Variants in COPG1 observed in about 807,000 individuals in gnomAD.
COPG1 encodes coat protein complex I subunit gamma 1, also known as coatomer subunit gamma-1.
COPG1 carries 29 observed loss-of-function variants against 102.8 expected under a neutral mutation model. That is an observed-to-expected ratio of 0.28 (90% CI 0.21 to 0.38). The LOEUF is 0.38. Ranked by LOEUF, COPG1 falls within the 10% of genes least tolerant of loss-of-function variation. COPG1 has a pLI of 1.00. For synonymous variants in COPG1, 406 were observed against 421.6 expected (o/e 0.96, Z 0.45); for missense variants, 875 against 1,132.7 (o/e 0.77, Z 3.27).
Position 129,265,746 on chromosome 3 carries a change from C to T in COPG1, c.1422C>T (p.Arg474=), listed in dbSNP as rs1230822173. 1.9e-6 allele frequency: 3 copies of T among 1,614,052 alleles called. No individual in the cohort carries two copies. The highest frequency in any genetic ancestry group is 2.5e-6 in the Non-Finnish European group (3 of 1,180,046). The change falls in exon 14 of 24, where the codon CGC becomes CGT. Residue 474 remains arginine, a synonymous_variant. Transcript: ENST00000314797. ...PKTTNPSKYI[R]FIYNRVVLEH... is the part of the protein sequence containing the mutation. Reference sequence around the variant, plus strand: ...CCACCAATCCCTCAAAGTACATCCGCTTCATCTATAACCGAGTGGTCTTGG... The same window carrying T: ...CCACCAATCCCTCAAAGTACATCCGTTTCATCTATAACCGAGTGGTCTTGG...
intron 21 of COPG1, chr3:129,274,077 G>A (rs1247949368): frequency 2.2e-6 from 1 of 456,060 alleles, no homozygotes; most frequent in Admixed American, 2.3e-5. Flanking sequence ...CACAGTTGAG[G>A]ATGGATGGAC....
chr3:129,268,117 A>G, intron 16 of COPG1, 77 bp downstream of exon 16: 2 of 1,284,112 alleles, frequency 1.6e-6, no homozygotes, highest in Non-Finnish European at 2.2e-6. Context: ...GGCAGGGGAA[A>G]TCAGAGGCAA....
intron 7 of COPG1, 121 bp from the exon 8 acceptor site, chr3:129,255,945 GTC>G (rs1939800143): frequency 1.2e-5 from 9 of 740,276 alleles, no homozygotes; most frequent in Non-Finnish European, 2.0e-5. Context: ...TTTGTCCATG[GTC>G]TCTGAGGACC....
Position 129,260,751 on chromosome 3 carries a change from G to A in COPG1, c.1072G>A (p.Asp358Asn), listed in dbSNP as rs1939910342. ...TAAGACGGGCAGCGAGAGCAGCATC[G>A]ACCGCCTCATGAAGCAGATCTCCTC... ...LLKTGSESSI[D>N]RLMKQISSFM... Residue 358 changes from aspartate to asparagine, a missense_variant, in exon 12 of 24, where the codon GAC becomes AAC. Physicochemically the swap from Asp to Asn is conservative, Grantham distance 23. Coordinates refer to ENST00000314797, the MANE Select transcript of COPG1 (RefSeq NM_016128.4). 1.4e-5 allele frequency: 22 copies of A among 1,612,762 alleles called. No individual in the cohort carries two copies. Among genetic ancestry groups the A allele is most frequent in the Non-Finnish European group, 1.9e-5 (22 of 1,180,006 alleles).
rs762888021 is a variant in COPG1, at chr3:129,252,314, C to T, written c.124C>T (p.Arg42Trp). 1.2e-5 allele frequency: 19 copies of T among 1,613,032 alleles called. No homozygotes were observed. The highest frequency in any genetic ancestry group is 1.7e-5 in the Admixed American group (1 of 59,982). ...ATTTAATGAAACTCCCATCAACCCT[C>T]GGAAATGTGCCCACATCCTCACCAA... ...RVFNETPINPRKCAHILTKIL... is the reference protein window; with the variant it reads ...RVFNETPINPWKCAHILTKIL... The change falls in exon 3 of 24, where the codon CGG (arginine) becomes TGG (tryptophan). Residue 42 changes from arginine to tryptophan, a missense_variant. Coordinates refer to ENST00000314797, the MANE Select transcript of COPG1 (RefSeq NM_016128.4).
In COPG1 at chr3:129,260,381, C is replaced by T. The variant is rs1939903288; in HGVS notation, c.920C>T (p.Ala307Val). The part of the protein sequence containing the change: ...SSPKAALRYA[A>V]VRTLNKVAMK... ...CCCAAGGCTGCTCTCCGCTATGCTGCTGTTCGTACCCTCAATAAGGTAAGA... is the reference window on the plus strand; with the variant it reads ...CCCAAGGCTGCTCTCCGCTATGCTGTTGTTCGTACCCTCAATAAGGTAAGA... Residue 307 changes from alanine to valine, a missense_variant, in exon 11 of 24, where the codon GCT becomes GTT. Physicochemically the swap from Ala to Val is moderately conservative, Grantham distance 64 (BLOSUM62 0). Transcript: ENST00000314797. 6.2e-7 allele frequency: 1 copy of T among 1,614,172 alleles called. No individual in the cohort carries two copies. The highest frequency in any genetic ancestry group is 1.1e-5 in the South Asian group (1 of 91,078).
chr3:129,249,871 C>A, intron 1 of COPG1, 125 bp downstream of exon 1: 1 of 980,036 alleles, frequency 1.0e-6, no homozygotes, highest in Non-Finnish European at 1.5e-6. Flanking sequence ...CCAGGGTCCA[C>A]AGCTAGTCAG....
intron 1 of COPG1, among the ~76,000 whole-genome samples, chr3:129,249,983 C>A (rs996311452): frequency 2.0e-5 from 3 of 148,262 alleles, no homozygotes; most frequent in Non-Finnish European, 4.4e-5. Context: ...ACCCCCCCCC[C>A]CAGGCCTCAA....
chr3:129,270,703 T>C (rs1279219793), intron 18 of COPG1, among the ~76,000 whole-genome samples: 1 of 152,006 alleles, frequency 6.6e-6, no homozygotes, highest in Admixed American at 6.6e-5. Flanking sequence ...AGCAAAATAA[T>C]AAAAATAAGG....
In COPG1 at chr3:129,272,831, T is replaced by C. The variant is rs200999764; in HGVS notation, c.2183T>C (p.Met728Thr). The change falls in exon 21 of 24, where the codon ATG (methionine) becomes ACG (threonine). Residue 728 changes from methionine to threonine, a missense_variant. Transcript: ENST00000314797. Reference protein sequence around the residue: ...TAVACTFSCMMKFTVKDCDPT... With the variant: ...TAVACTFSCMTKFTVKDCDPT... The stretch of plus-strand genomic sequence containing the variant: ...GTGGCCTGCACATTCAGCTGCATGA[T>C]GAAGTTCACTGTCAAGGACTGTGAT... The C allele has an allele frequency of 1.4e-5, 22 of 1,613,104 alleles. No homozygotes were observed. The highest frequency in any genetic ancestry group is 2.7e-5 in the African/African-American group (2 of 74,992).
intron 18 of COPG1, among the ~76,000 whole-genome samples, chr3:129,270,224 T>C (rs1225785574): frequency 6.6e-6 from 1 of 151,920 alleles, no homozygotes; most frequent in African/African-American, 2.4e-5. Flanking sequence ...AATTAGCATG[T>C]GGGCATCTTG....
At chr3:129,266,738 C>T (rs6807994) in intron 14 of COPG1, among the ~76,000 whole-genome samples, 17,080 of 152,068 alleles carry the variant, frequency 0.11, 2,667 homozygotes, top group African/African-American at 0.35. Context: ...GCTTCTGTGA[C>T]CTCATCATGG....
chr3:129,253,140 G>A lies in COPG1; in HGVS notation c.323+185G>A. Reference sequence around the variant, plus strand: ...TGTGCTGTTTCTATTTTAATTCTCTGACCTTGACTTGGACACAAATGCTTC... The same window carrying A: ...TGTGCTGTTTCTATTTTAATTCTCTAACCTTGACTTGGACACAAATGCTTC... On this transcript the variant is annotated intron_variant, in intron 5 of 23. Coordinates refer to ENST00000314797, the MANE Select transcript of COPG1 (RefSeq NM_016128.4). The A allele has an allele frequency of 5.4e-6, 3 of 550,704 alleles. No homozygotes were observed. In the South Asian group the frequency reaches 6.7e-5, roughly 12 times the overall value. 34.1% of individuals were successfully genotyped at this position (550,704 alleles called of 1,614,324 possible). A position where few individuals can be genotyped will look rare whatever the true frequency, so the allele number is the denominator to read the frequency against.
Position 129,257,820 on chromosome 3 carries a change from G to T in COPG1, c.831G>T (p.Leu277=). The change falls in exon 10 of 24, where the codon CTG becomes CTT. Residue 277 remains leucine, a synonymous_variant. Coordinates refer to ENST00000314797, the MANE Select transcript of COPG1 (RefSeq NM_016128.4). ...AAGCCGCCTCGGCCATCGTCAATCT[G>T]CCAGGCTGCAGTGCCAAAGAGCTGG... ...VYEAASAIVN[L]PGCSAKELAP... 1.2e-6 allele frequency: 2 copies of T among 1,614,010 alleles called. No homozygotes were observed. Among genetic ancestry groups the T allele is most frequent in the Non-Finnish European group, 1.7e-6 (2 of 1,180,036 alleles).
Position 129,272,233 on chromosome 3 carries a change from T to G in COPG1, c.1987-11T>G. 6.2e-7 allele frequency: 1 copy of G among 1,613,250 alleles called. No individual in the cohort carries two copies. The highest frequency in any genetic ancestry group is 8.5e-7 in the Non-Finnish European group (1 of 1,179,230). On this transcript the variant is annotated splice_polypyrimidine_tract_variant and intron_variant, in intron 19 of 23. Coordinates refer to ENST00000314797, the MANE Select transcript of COPG1 (RefSeq NM_016128.4). ...GTGCAATGTTTAAGCTCCCCTCTCT[T>G]TCCTGTTCAGTTTGACTGCACAAAC...
Position 129,264,012 on chromosome 3 carries a change from G to A in COPG1, c.1224+13G>A. On this transcript the variant is annotated intron_variant, in intron 13 of 23. Coordinates refer to ENST00000314797, the MANE Select transcript of COPG1 (RefSeq NM_016128.4). The stretch of plus-strand genomic sequence containing the variant: ...GCTGCGGGAAGAGGTAAGAGTCAGG[G>A]GCATTCGGGGGATGCCAGGTCTCCT... The A allele has an allele frequency of 6.2e-7, 1 of 1,607,874 alleles. No individual in the cohort carries two copies. Among genetic ancestry groups the A allele is most frequent in the Non-Finnish European group, 8.5e-7 (1 of 1,174,572 alleles).
At chr3:129,259,460 CAAA>C (rs781019383) in intron 10 of COPG1, among the ~76,000 whole-genome samples, 2 of 47,550 alleles carry the variant, frequency 4.2e-5, no homozygotes, top group African/African-American at 8.6e-5. Flanking sequence ...GACTCTATCT[CAAA>C]AAAAAAAAAA....
At chr3:129,265,239 G>A (rs531624798) in intron 13 of COPG1, among the ~76,000 whole-genome samples, 51 of 152,192 alleles carry the variant, frequency 3.4e-4, no homozygotes, top group South Asian at 6.2e-4. Flanking sequence ...TTATAGGCAT[G>A]CACCACCATG....
intron 16 of COPG1, 140 bp downstream of exon 16, chr3:129,268,180 G>T: frequency 1.4e-6 from 1 of 711,674 alleles, no homozygotes; most frequent in Non-Finnish European, 2.4e-6. Context: ...GGTGACCTCA[G>T]GAGGTCCCGG....
Sources: gnomAD v4.1 joint callset for allele counts (sites outside exome capture counted in the v4.1 genomes callset) on GRCh38, gnomAD v4.1.1 for gene constraint, MANE v1.5 for transcripts, NCBI Gene and HGNC (gene_info 2026-07-23, HGNC 2026-07-21) for gene names.